DHRS12: variants seen among roughly 807,000 people sequenced by gnomAD.
The protein encoded by DHRS12 is dehydrogenase/reductase 12.
A neutral mutation model predicts 32.1 loss-of-function variants in DHRS12; 29 were observed. That is an observed-to-expected ratio of 0.90 (90% CI 0.67 to 1.23). The LOEUF (loss-of-function observed/expected upper bound fraction) is 1.23, where lower values mean the gene tolerates loss of function less well. Ranked by LOEUF, DHRS12 falls within the 50% of genes most tolerant of loss-of-function variation. The probability of loss-of-function intolerance (pLI) is 0.00; values close to 1 mark genes in which losing one functional copy is unlikely to be tolerated. For synonymous variants in DHRS12, 150 were observed against 135.9 expected (o/e 1.10, Z -0.72); for missense variants, 330 against 337.2 (o/e 0.98, Z 0.17).
chr13:51,755,551 T>C, the DHRS12 span: 1 of 1,239,902 alleles, frequency 8.1e-7, no homozygotes, highest in Non-Finnish European at 1.2e-6. Flanking sequence ...GGGTGGGAGT[T>C]GTGGTGAGGG....
chr13:51,758,183 T>C, the DHRS12 span: 1 of 1,543,752 alleles, frequency 6.5e-7, no homozygotes, highest in Non-Finnish European at 8.9e-7. Flanking sequence ...CTTTCTTTGC[T>C]CCTTCTAGAC....
At position 51,799,650 on chromosome 13, in the gene DHRS12, G is replaced by A. The variant is rs924020046; in HGVS notation, c.10C>T (p.His4Tyr). 1.2e-6 allele frequency: 2 copies of A among 1,613,890 alleles called. No individual in the cohort carries two copies. The highest frequency in any genetic ancestry group is 8.5e-7 in the Non-Finnish European group (1 of 1,180,014). Reference sequence around the variant, plus strand: ...GTCATGAGGGACAAAGTCTTTACATGCAGATTCATAGCCACTCCTAGAAAG... The same window carrying A: ...GTCATGAGGGACAAAGTCTTTACATACAGATTCATAGCCACTCCTAGAAAG... MNLHVKTLSLMTWR... is the reference protein window; with the variant it reads MNLYVKTLSLMTWR... The change falls in exon 2 of 9, where the codon CAT becomes TAT. Residue 4 changes from histidine to tyrosine, a missense_variant. Transcript: ENST00000444610.
rs56270918 is a variant in DHRS12 at position 51,802,169 on chromosome 13, T to TCACACA, written c.-9+1879_-9+1884dup. On this transcript the variant is annotated intron_variant, in intron 1 of 8. Transcript: ENST00000444610. ...GTCTCTAGATATCAGTCTCTATTTT[T>TCACACA]CACACACACACACACACACACACAC... Among the ~76,000 whole-genome samples, 570 of 139,846 alleles carry TCACACA rather than the reference T, an allele frequency of 4.1e-3. 1 individual carries two copies. Among genetic ancestry groups the TCACACA allele is most frequent in the Admixed American group, 0.017 (244 of 14,020 alleles). 91.7% of individuals were successfully genotyped at this position (139,846 alleles called of 152,430 possible).
At chr13:51,791,742 A>T (rs1327904311) in intron 2 of DHRS12, among the ~76,000 whole-genome samples, 1 of 152,124 alleles carries the variant, frequency 6.6e-6, no homozygotes, top group African/African-American at 2.4e-5. Context: ...GTGCCCTTTG[A>T]TAGTAACTCC....
chr13:51,802,008 C>T (rs1272064395), intron 1 of DHRS12, among the ~76,000 whole-genome samples: 1 of 152,180 alleles, frequency 6.6e-6, no homozygotes, highest in Admixed American at 6.5e-5. Flanking sequence ...GACATGTCCC[C>T]GCCCTCTGTC....
At chr13:51,800,717 T>G (rs1285667144) in intron 1 of DHRS12, among the ~76,000 whole-genome samples, 1 of 152,202 alleles carries the variant, frequency 6.6e-6, no homozygotes, top group East Asian at 1.9e-4. Context: ...CTCGGGGAAG[T>G]GGCCAAAGGA....
At chr13:51,759,911 T>C in the DHRS12 span, 7 of 864,880 alleles carry the variant, frequency 8.1e-6, no homozygotes, top group East Asian at 1.8e-4. Flanking sequence ...ATTACCCATG[T>C]GCACAGTGGG....
At chr13:51,793,988 C>A (rs1955397161) in intron 2 of DHRS12, among the ~76,000 whole-genome samples, 1 of 152,186 alleles carries the variant, frequency 6.6e-6, no homozygotes, top group Admixed American at 6.5e-5. Flanking sequence ...GACAAATCAG[C>A]CACGGAGCTG....
At chr13:51,802,216 C>T in intron 1 of DHRS12, among the ~76,000 whole-genome samples, 1 of 102,508 alleles carries the variant, frequency 9.8e-6, no homozygotes, top group East Asian at 5.1e-4. Flanking sequence ...CACACACACA[C>T]ACGACTTTCC....
At chr13:51,761,930 C>G in the DHRS12 span, 1 of 152,204 alleles carries the variant, frequency 6.6e-6, no homozygotes, top group African/African-American at 2.4e-5. Context: ...TCCAGACTAC[C>G]CTTGCTTGCG....
chr13:51,756,718 C>G, the DHRS12 span: 2 of 880,172 alleles, frequency 2.3e-6, no homozygotes, highest in Middle Eastern at 5.8e-4. Flanking sequence ...TTTAAATTAG[C>G]TGCTCCCAGA....
At chr13:51,786,907 T>G (rs1004778561) in intron 4 of DHRS12, among the ~76,000 whole-genome samples, 5 of 152,142 alleles carry the variant, frequency 3.3e-5, no homozygotes, top group African/African-American at 1.2e-4. Context: ...GGAAAACATG[T>G]TTCATATTAG....
At chr13:51,771,992 C>G (rs1389050827) in intron 6 of DHRS12, 81 bp from the exon 7 acceptor site, 3 of 1,368,130 alleles carry the variant, frequency 2.2e-6, no homozygotes, top group Non-Finnish European at 2.1e-6. Context: ...CCCTGCCCAG[C>G]CTGGCTTATC....
intron 2 of DHRS12, among the ~76,000 whole-genome samples, chr13:51,797,453 A>C (rs1381997464): frequency 6.6e-6 from 1 of 152,112 alleles, no homozygotes; most frequent in East Asian, 1.9e-4. Context: ...TCTTTATTAG[A>C]GCACATCGGG....
the DHRS12 span, chr13:51,761,711 G>C: frequency 6.6e-6 from 1 of 152,232 alleles, no homozygotes; most frequent in Non-Finnish European, 1.5e-5. Flanking sequence ...GCCCCTACGT[G>C]TGTTTCCCTG....
chr13:51,768,874 C>T, intron 8 of DHRS12: 2 of 1,369,860 alleles, frequency 1.5e-6, no homozygotes, highest in Non-Finnish European at 9.4e-7. Context: ...CAGCAAACTG[C>T]AGAGAAAATC....
the DHRS12 span, chr13:51,759,816 T>G: frequency 8.2e-6 from 13 of 1,579,308 alleles, no homozygotes; most frequent in Non-Finnish European, 1.1e-5. Context: ...AAGAAACGGT[T>G]GTTTTAACCC....
In DHRS12 at chr13:51,785,296, A is replaced by T. The variant is rs573022562; in HGVS notation, c.301+4715T>A. ...TCGTTAGGTATTTTGATTAATAAAT[A>T]GTTAACATATTAAATTCAGGTGACC... is the stretch of plus-strand genomic sequence containing the variant. On this transcript the variant is annotated intron_variant, in intron 4 of 8. Transcript: ENST00000444610. 5.4e-4 allele frequency among the ~76,000 whole-genome samples: 82 copies of T among 152,270 alleles called. 2 individuals are homozygous for T. The South Asian group carries it at 0.017, about 31-fold the overall frequency.
At chr13:51,787,205 A>G (rs1294020044) in intron 4 of DHRS12, among the ~76,000 whole-genome samples, 2 of 152,232 alleles carry the variant, frequency 1.3e-5, no homozygotes, top group Non-Finnish European at 2.9e-5. Flanking sequence ...GAAAAGGAAG[A>G]GATAGCAAGG....
Sources: gnomAD v4.1 joint callset for allele counts (sites outside exome capture counted in the v4.1 genomes callset) on GRCh38, gnomAD v4.1.1 for gene constraint, MANE v1.5 for transcripts, NCBI Gene and HGNC (gene_info 2026-07-23, HGNC 2026-07-21) for gene names.